The following TNKS variants were observed in gnomAD, a reference collection of about 807,000 sequenced individuals.
TNKS encodes poly [ADP-ribose] polymerase tankyrase-1.
A neutral mutation model predicts 135.8 loss-of-function variants in TNKS; 72 were observed. The ratio of observed to expected loss-of-function variants is 0.53; its 90% confidence interval spans 0.44 to 0.64. The LOEUF is 0.64. Among genes scored for constraint, TNKS ranks in the 30% least tolerant of loss-of-function variants. The pLI is 0.00. For missense variants in TNKS, 1,769 were observed against 1,674.0 expected, an observed-to-expected ratio of 1.06 and a Z score of -0.99; for synonymous variants, 849 against 649.3, an observed-to-expected ratio of 1.31 and a Z score of -4.68.
chr8:9,713,599 C>T (rs1050395603), intron 11 of TNKS, among the ~76,000 whole-genome samples: 5 of 152,128 alleles, frequency 3.3e-5, no homozygotes, highest in African/African-American at 1.2e-4. Context: ...CCTAGTCTTT[C>T]CACTGTAGTT....
intron 13 of TNKS, 29 bp from the exon 14 acceptor site, chr8:9,730,861 T>C (rs1393311064): frequency 6.3e-7 from 1 of 1,597,694 alleles, no homozygotes; most frequent in South Asian, 1.1e-5. Flanking sequence ...GTTCGTTTTG[T>C]GTTTGTCTTT....
At chr8:9,601,830 G>A (rs1178821921) in intron 2 of TNKS, among the ~76,000 whole-genome samples, 2 of 151,980 alleles carry the variant, frequency 1.3e-5, no homozygotes, top group Non-Finnish European at 2.9e-5. Context: ...CTTATTTACA[G>A]TTTTACTTTA....
At chr8:9,584,674 G>T (rs1798300593) in intron 2 of TNKS, among the ~76,000 whole-genome samples, 1 of 152,184 alleles carries the variant, frequency 6.6e-6, no homozygotes, top group South Asian at 2.1e-4. Context: ...GCAGAATGGG[G>T]CTTCTAAACT....
At chr8:9,694,413 G>C (rs1803418410) in intron 5 of TNKS, among the ~76,000 whole-genome samples, 1 of 152,256 alleles carries the variant, frequency 6.6e-6, no homozygotes, top group African/African-American at 2.4e-5. Flanking sequence ...TGGAACATGT[G>C]TAAGAGTAAA....
rs909430644 is a variant in TNKS, at chr8:9,778,015, G to A, written c.*1279G>A. On this transcript the variant is annotated 3_prime_UTR_variant, in exon 27 of 27. Coordinates refer to ENST00000310430, the MANE Select transcript of TNKS (RefSeq NM_003747.3). ...ACTTCTTAGTGTGTTTAGACAAGGAGAACAAAAATTGAAACCAAAGCCCTT... is the reference window on the plus strand; with the variant it reads ...ACTTCTTAGTGTGTTTAGACAAGGAAAACAAAAATTGAAACCAAAGCCCTT... The A allele has an allele frequency of 6.6e-6, 1 of 152,484 alleles. No homozygotes were observed. Among genetic ancestry groups the A allele is most frequent in the Non-Finnish European group, 1.5e-5 (1 of 68,000 alleles). The allele number at this position is 152,484 out of a possible 1,614,324, so 9.4% of individuals were successfully genotyped here.
chr8:9,765,945 C>A (rs902268834), intron 24 of TNKS, 148 bp downstream of exon 24: 1 of 667,806 alleles, frequency 1.5e-6, no homozygotes, highest in Non-Finnish European at 2.5e-6. Flanking sequence ...CTTCTTGGTA[C>A]CAGCTTTCTA....
Position 9,607,229 on chromosome 8 carries a change from C to G in TNKS, c.899-8353C>G, listed in dbSNP as rs567314587. On this transcript the variant is annotated intron_variant, in intron 2 of 26. Coordinates refer to ENST00000310430, the MANE Select transcript of TNKS (RefSeq NM_003747.3). ...TTGTTTTCCAAAACAAAAAATAATC[C>G]TAAGAGTGGAATCATTTTACATTTA... Among the ~76,000 whole-genome samples, 48 of 152,144 alleles carry G rather than the reference C, an allele frequency of 3.2e-4. 1 individual carries two copies. In the South Asian group the frequency reaches 9.8e-3, roughly 31 times the overall value.
chr8:9,663,416 CTT>C (rs1409129125), intron 3 of TNKS, among the ~76,000 whole-genome samples: 1 of 152,188 alleles, frequency 6.6e-6, no homozygotes, highest in East Asian at 1.9e-4. Context: ...AAAGAAACCT[CTT>C]TTTTGTTTTA....
At chr8:9,670,702 CT>C (rs1477917076) in intron 3 of TNKS, 1 of 152,122 alleles carries the variant, frequency 6.6e-6, no homozygotes, top group Non-Finnish European at 1.5e-5. Context: ...GAACTCAGAA[CT>C]AACTTGTTCC....
intron 20 of TNKS, among the ~76,000 whole-genome samples, chr8:9,753,686 C>T (rs367931989): frequency 9.9e-5 from 15 of 152,120 alleles, no homozygotes; most frequent in Non-Finnish European, 1.8e-4. Flanking sequence ...AATTATTCTC[C>T]CAGGTGTAGG....
chr8:9,659,059 A>G (rs1445786637), intron 3 of TNKS, among the ~76,000 whole-genome samples: 1 of 152,254 alleles, frequency 6.6e-6, no homozygotes, highest in Non-Finnish European at 1.5e-5. Flanking sequence ...TATGCACTCA[A>G]TACAGGAGCA....
At chr8:9,765,168 C>G (rs904552955) in intron 23 of TNKS, among the ~76,000 whole-genome samples, 4 of 152,126 alleles carry the variant, frequency 2.6e-5, no homozygotes, top group African/African-American at 9.7e-5. Flanking sequence ...CAGTAATTAC[C>G]TCAGAATACA....
intron 3 of TNKS, among the ~76,000 whole-genome samples, chr8:9,672,676 ACAC>A (rs1802337878): frequency 8.7e-6 from 1 of 114,432 alleles, no homozygotes; most frequent in Non-Finnish European, 1.8e-5. Context: ...AAAAAAAAAA[ACAC>A]ATACACACAC....
chr8:9,625,272 G>T (rs1243520428), intron 3 of TNKS, among the ~76,000 whole-genome samples: 8 of 151,464 alleles, frequency 5.3e-5, no homozygotes, highest in Non-Finnish European at 1.2e-4. Flanking sequence ...TAATAATCCC[G>T]TTTCATTCCT....
intron 20 of TNKS, among the ~76,000 whole-genome samples, chr8:9,757,967 T>G (rs1347906673): frequency 1.3e-5 from 2 of 152,190 alleles, no homozygotes; most frequent in African/African-American, 4.8e-5. Context: ...ACCATGTAAC[T>G]CACTGCGACT....
intron 1 of TNKS, among the ~76,000 whole-genome samples, chr8:9,566,057 C>G (rs1161539929): frequency 2.0e-5 from 3 of 151,872 alleles, no homozygotes; most frequent in African/African-American, 7.3e-5. Flanking sequence ...ACTCATCAAC[C>G]GTAGAAACCA....
At chr8:9,764,187 A>ATTAT (rs1807299799) in intron 22 of TNKS, among the ~76,000 whole-genome samples, 1 of 152,048 alleles carries the variant, frequency 6.6e-6, no homozygotes, top group South Asian at 2.1e-4. Flanking sequence ...CTTTTCCATA[A>ATTAT]TTATTTTTAA....
chr8:9,610,345 C>A (rs1420192003), intron 2 of TNKS, among the ~76,000 whole-genome samples: 1 of 151,020 alleles, frequency 6.6e-6, no homozygotes, highest in Non-Finnish European at 1.5e-5. Flanking sequence ...CTGTAGCATA[C>A]TATATATGAT....
chr8:9,773,629 T>G (rs1336025204), intron 26 of TNKS, among the ~76,000 whole-genome samples: 1 of 152,176 alleles, frequency 6.6e-6, no homozygotes, highest in Non-Finnish European at 1.5e-5. Context: ...AATTTACTAA[T>G]TAACCATCTC....
Sources: gnomAD v4.1 joint callset for allele counts (sites outside exome capture counted in the v4.1 genomes callset) on GRCh38, gnomAD v4.1.1 for gene constraint, MANE v1.5 for transcripts, NCBI Gene and HGNC (gene_info 2026-07-23, HGNC 2026-07-21) for gene names.